KIAA0825: variants seen among roughly 807,000 people sequenced by gnomAD.
KIAA0825 encodes uncharacterized protein KIAA0825.
A neutral mutation model predicts 147.6 loss-of-function variants in KIAA0825; 119 were observed. The observed-to-expected ratio is 0.81, with a 90% CI of 0.69 to 0.94. The LOEUF is 0.94. Among genes scored for constraint, KIAA0825 ranks in the 40% least tolerant of loss-of-function variants. The pLI is 0.00. For missense variants in KIAA0825, 1,381 were observed against 1,472.7 expected (o/e 0.94, Z 1.02); for synonymous variants, 470 against 518.1 (o/e 0.91, Z 1.26).
In KIAA0825 at chr5:94,471,524, C is replaced by T. The variant is rs1761215412; in HGVS notation, c.1663G>A (p.Val555Met). 6.4e-7 allele frequency: 1 copy of T among 1,552,024 alleles called. No homozygotes were observed. The highest frequency in any genetic ancestry group is 8.7e-7 in the Non-Finnish European group (1 of 1,147,024). ...KNLHTYLSTA[V>M]YVFQHFKRYD... ...CGCTTGAAATGCTGGAAGACATACA[C>T]CGCTGTGGAGAGGTATGTGTGCAAG... The change falls in exon 9 of 21, where the codon GTG becomes ATG. Residue 555 changes from valine to methionine, a missense_variant. By Grantham distance (21) the Val-to-Met change is conservative. Coordinates refer to ENST00000682413, the MANE Select transcript of KIAA0825 (RefSeq NM_001145678.3).
intron 13 of KIAA0825, among the ~76,000 whole-genome samples, chr5:94,443,824 G>A (rs1284740301): frequency 6.6e-6 from 1 of 152,146 alleles, no homozygotes; most frequent in Non-Finnish European, 1.5e-5. Flanking sequence ...CCAAGAGAAG[G>A]CTCTGCAGTA....
intron 20 of KIAA0825, among the ~76,000 whole-genome samples, chr5:94,381,026 C>T (rs1318974622): frequency 6.6e-6 from 1 of 152,164 alleles, no homozygotes; most frequent in South Asian, 2.1e-4. Flanking sequence ...AAGTCTTTAT[C>T]TCCTGGGTCT....
chr5:94,538,478 G>A (rs937406978), intron 2 of KIAA0825, among the ~76,000 whole-genome samples: 3 of 152,192 alleles, frequency 2.0e-5, no homozygotes, highest in African/African-American at 4.8e-5. Context: ...ACCTGGCTGC[G>A]AAGGTGTCTG....
At chr5:94,518,832 C>A (rs1767658719) in intron 5 of KIAA0825, among the ~76,000 whole-genome samples, 1 of 152,080 alleles carries the variant, frequency 6.6e-6, no homozygotes, top group Non-Finnish European at 1.5e-5. Context: ...TCAATATCAA[C>A]CCTAAAGACT....
chr5:94,481,753 A>G (rs1762521580), intron 6 of KIAA0825, among the ~76,000 whole-genome samples: 1 of 152,132 alleles, frequency 6.6e-6, no homozygotes, highest in Non-Finnish European at 1.5e-5. Context: ...AAGACCCCCT[A>G]AGAGTACAAA....
chr5:94,171,943 A>G (rs765272383), intron 20 of KIAA0825, among the ~76,000 whole-genome samples: 9 of 152,282 alleles, frequency 5.9e-5, no homozygotes, highest in Non-Finnish European at 1.0e-4. Flanking sequence ...GAAAAAAACA[A>G]AAAAGATACA....
chr5:94,541,566 T>C (rs566176365), intron 2 of KIAA0825, among the ~76,000 whole-genome samples: 347 of 152,362 alleles, frequency 2.3e-3, no homozygotes, highest in African/African-American at 8.2e-3. Context: ...GTGAACATGT[T>C]GGCTAAAGTT....
At chr5:94,197,970 T>C (rs187622416) in intron 20 of KIAA0825, among the ~76,000 whole-genome samples, 25 of 152,340 alleles carry the variant, frequency 1.6e-4, no homozygotes, top group East Asian at 5.8e-4. Context: ...TTCAGTTCCA[T>C]ATGGATTTTA....
rs1479754291 is a variant in KIAA0825 at position 94,365,145 on chromosome 5, G to A, written c.3710+19223C>T. On this transcript the variant is annotated intron_variant, in intron 20 of 20. Transcript: ENST00000682413. Reference sequence around the variant, plus strand: ...GGCCCTCAAGCCTGTCTGTAAATCCGGTGCACTCCATGCATGGATGTGCAT... The same window carrying A: ...GGCCCTCAAGCCTGTCTGTAAATCCAGTGCACTCCATGCATGGATGTGCAT... Among the ~76,000 whole-genome samples, 6 of 152,046 alleles carry A rather than the reference G, an allele frequency of 3.9e-5. No individual in the cohort carries two copies. The East Asian group carries it at 5.8e-4, about 15-fold the overall frequency.
At chr5:94,455,883 A>T (rs963757484) in intron 12 of KIAA0825, among the ~76,000 whole-genome samples, 42 of 152,162 alleles carry the variant, frequency 2.8e-4, no homozygotes, top group African/African-American at 9.4e-4. Context: ...TTGGACAAAG[A>T]GTGGAATTGC....
At chr5:94,575,833 T>C (rs1780918248) in intron 2 of KIAA0825, among the ~76,000 whole-genome samples, 1 of 152,198 alleles carries the variant, frequency 6.6e-6, no homozygotes, top group Non-Finnish European at 1.5e-5. Context: ...TAAGGATTTC[T>C]GCAGGCCAGG....
chr5:94,173,808 T>TAG (rs1417314828), intron 20 of KIAA0825, among the ~76,000 whole-genome samples: 4 of 152,074 alleles, frequency 2.6e-5, no homozygotes, highest in African/African-American at 4.8e-5. Context: ...AGAAGTGAAG[T>TAG]AGAGACCCTT....
Position 94,473,305 on chromosome 5 carries a change from T to C in KIAA0825, c.1442A>G (p.Lys481Arg), listed in dbSNP as rs1274778204. 5.5e-5 allele frequency: 85 copies of C among 1,551,512 alleles called. No individual in the cohort carries two copies. Among genetic ancestry groups the C allele is most frequent in the Non-Finnish European group, 7.3e-5 (84 of 1,146,926 alleles). The part of the protein sequence containing the change: ...SHMFPEEEQP[K>R]KIGKFCSDIM... ...TCATATACTTGCTTTTCCAATTTTCTTTGGTTGTTCCTCCTCAGGAAACAT... is the reference window on the plus strand; with the variant it reads ...TCATATACTTGCTTTTCCAATTTTCCTTGGTTGTTCCTCCTCAGGAAACAT... Residue 481 changes from lysine to arginine, a missense_variant, in exon 8 of 21, where the codon AAG (lysine) becomes AGG (arginine). Lys to Arg is a conservative substitution (Grantham distance 26). Transcript: ENST00000682413.
chr5:94,286,895 A>G (rs1414774159), intron 20 of KIAA0825, among the ~76,000 whole-genome samples: 1 of 152,066 alleles, frequency 6.6e-6, no homozygotes, highest in African/African-American at 2.4e-5. Flanking sequence ...TACTGAGATT[A>G]TCCTGGGCTC....
At chr5:94,526,018 T>C (rs1179678177) in intron 3 of KIAA0825, among the ~76,000 whole-genome samples, 2 of 152,034 alleles carry the variant, frequency 1.3e-5, no homozygotes, top group Non-Finnish European at 2.9e-5. Flanking sequence ...TGTTTTTAGT[T>C]GGCTGTCTTG....
At chr5:94,458,084 C>T (rs1024089943) in intron 12 of KIAA0825, among the ~76,000 whole-genome samples, 3 of 152,050 alleles carry the variant, frequency 2.0e-5, no homozygotes, top group African/African-American at 7.2e-5. Context: ...TTCTGATGGC[C>T]CTAGAATCAC....
intron 20 of KIAA0825, among the ~76,000 whole-genome samples, chr5:94,311,546 C>T (rs537567752): frequency 4.6e-5 from 7 of 151,604 alleles, no homozygotes; most frequent in Admixed American, 3.3e-4. Flanking sequence ...CAAACTAACA[C>T]CACCAAAAAA....
chr5:94,549,161 T>C (rs1206998395), intron 2 of KIAA0825, among the ~76,000 whole-genome samples: 2 of 152,160 alleles, frequency 1.3e-5, no homozygotes, highest in African/African-American at 2.4e-5. Context: ...CCTCAGCACA[T>C]AGATCATTCT....
At chr5:94,270,676 G>A (rs113333102) in intron 20 of KIAA0825, among the ~76,000 whole-genome samples, 10 of 152,096 alleles carry the variant, frequency 6.6e-5, no homozygotes, top group Non-Finnish European at 1.5e-4. Context: ...CAGACCAATG[G>A]AGAAGGGGGG....
Sources: gnomAD v4.1 joint callset for allele counts (sites outside exome capture counted in the v4.1 genomes callset) on GRCh38, gnomAD v4.1.1 for gene constraint, MANE v1.5 for transcripts, NCBI Gene and HGNC (gene_info 2026-07-23, HGNC 2026-07-21) for gene names.